The following ESCO2 variants were observed in gnomAD, a reference collection of about 807,000 sequenced individuals.
ESCO2 encodes establishment of sister chromatid cohesion N-acetyltransferase 2, also known as N-acetyltransferase ESCO2.
Under a neutral mutation model 61.7 loss-of-function variants are expected in ESCO2, and 51 were observed. That is an observed-to-expected ratio of 0.83 (90% CI 0.66 to 1.04). The LOEUF is 1.04. ESCO2 is among the 50% of genes least tolerant of loss of function. The probability of loss-of-function intolerance (pLI) is 0.00; values close to 1 mark genes in which losing one functional copy is unlikely to be tolerated. For synonymous variants in ESCO2, 230 were observed against 238.2 expected (o/e 0.97, Z 0.32); for missense variants, 692 against 686.2 (o/e 1.01, Z -0.09).
chr8:27,813,520 T>C (rs1272284640), downstream of ESCO2, among the ~76,000 whole-genome samples: 1 of 152,144 alleles, frequency 6.6e-6, no homozygotes, highest in Non-Finnish European at 1.5e-5. Flanking sequence ...ATTAACAAAT[T>C]ATATATGTTT....
rs761877763 is a variant in ESCO2, at chr8:27,775,498, G to A, written c.-16-1G>A. On this transcript the variant is annotated splice_acceptor_variant, in intron 1 of 10. Coordinates refer to ENST00000305188, the MANE Select transcript of ESCO2 (RefSeq NM_001017420.3). LOFTEE classifies it low-confidence loss of function (5UTR_SPLICE). ...AATGTGGTTATTGTCATTTCTTTTA[G>A]GAATTCAATAAAGAAAATGGCAGCT... 7.4e-6 allele frequency: 12 copies of A among 1,611,790 alleles called. No individual in the cohort carries two copies. In the South Asian group the frequency reaches 1.1e-4, roughly 15 times the overall value.
At chr8:27,775,661 T>G (rs1804773569) in intron 2 of ESCO2, 94 bp downstream of exon 2, 2 of 1,131,442 alleles carry the variant, frequency 1.8e-6, no homozygotes, top group South Asian at 2.5e-5. Flanking sequence ...GTTCTTCCAC[T>G]AGCCTACTCC....
rs2128951265 is a variant in ESCO2, at chr8:27,777,007, C to T, written c.699C>T (p.Thr233=). 6.2e-7 allele frequency: 1 copy of T among 1,612,210 alleles called. No homozygotes were observed. Among genetic ancestry groups the T allele is most frequent in the Admixed American group, 1.7e-5 (1 of 59,588 alleles). ...AAAATGAGCCGTCACTGGGACGCAC[C>T]CAAAAGAGTAAATCAGAAGTCATTG... is the stretch of plus-strand genomic sequence containing the variant. The part of the protein sequence containing the change: ...SLENEPSLGR[T]QKSKSEVIED... The change falls in exon 3 of 11, where the codon ACC becomes ACT. Residue 233 remains threonine (T), a synonymous_variant. Coordinates refer to ENST00000305188, the MANE Select transcript of ESCO2 (RefSeq NM_001017420.3).
chr8:27,796,304 TTTAG>T (rs1805295245), intron 9 of ESCO2, among the ~76,000 whole-genome samples: 1 of 152,070 alleles, frequency 6.6e-6, no homozygotes, highest in African/African-American at 2.4e-5. Context: ...TGTGATTTTG[TTTAG>T]TTGAGTCTTC....
At chr8:27,796,692 C>T (rs1018715584) in intron 9 of ESCO2, among the ~76,000 whole-genome samples, 2 of 152,182 alleles carry the variant, frequency 1.3e-5, no homozygotes, top group Non-Finnish European at 1.5e-5. Context: ...TACTTTTCCT[C>T]CCGTCATTGA....
chr8:27,799,456 T>C, intron 9 of ESCO2, 85 bp from the exon 10 acceptor site: 1 of 1,358,922 alleles, frequency 7.4e-7, no homozygotes, highest in Non-Finnish European at 1.1e-6. Context: ...GTTAAATTTT[T>C]GATACTTATT....
intron 10 of ESCO2, among the ~76,000 whole-genome samples, chr8:27,801,413 A>G (rs1186482910): frequency 1.3e-5 from 2 of 152,184 alleles, no homozygotes; most frequent in African/African-American, 2.4e-5. Flanking sequence ...CATTATGGGG[A>G]CCGGATCTTG....
At chr8:27,787,700 G>T (rs1040111386) in intron 5 of ESCO2, among the ~76,000 whole-genome samples, 185 bp from the exon 6 acceptor site, 2 of 152,140 alleles carry the variant, frequency 1.3e-5, no homozygotes, top group Admixed American at 6.5e-5. Context: ...TTTACCTTGA[G>T]TAAATTACTG....
chr8:27,772,387 C>T (rs1208124760), upstream of ESCO2: 3 of 902,162 alleles, frequency 3.3e-6, no homozygotes, highest in East Asian at 2.7e-5. Flanking sequence ...ACCGAGAGGC[C>T]GCGGGAAGAG....
At chr8:27,784,125 A>T in intron 5 of ESCO2, 68 bp downstream of exon 5, 2 of 1,469,902 alleles carry the variant, frequency 1.4e-6, no homozygotes, top group Non-Finnish European at 1.9e-6. Context: ...TCTCTTTTTC[A>T]GTCTCATGCT....
At chr8:27,808,562 C>T (rs980061423), downstream of ESCO2, among the ~76,000 whole-genome samples, 1 of 151,426 alleles carries the variant, frequency 6.6e-6, no homozygotes, top group African/African-American at 2.4e-5. Context: ...CACCTGTGGT[C>T]CCAGCTACTC....
downstream of ESCO2, among the ~76,000 whole-genome samples, chr8:27,815,239 T>G (rs773841405): frequency 2.0e-5 from 3 of 152,074 alleles, no homozygotes; most frequent in Non-Finnish European, 4.4e-5. Flanking sequence ...GCCAGGAAAT[T>G]GAAGATTCCA....
Position 27,799,589 on chromosome 8 carries a change from A to G in ESCO2, c.1546A>G (p.Thr516Ala). The stretch of plus-strand genomic sequence containing the variant: ...AATTGGTCCAGAATCCCCAAGCTCT[A>G]CGGAATGTCCTAGGGCTTGGCAATG... ...EPIGPESPSS[T>A]ECPRAWQCSD... Residue 516 changes from threonine (T) to alanine (A), a missense_variant, in exon 10 of 11, where the codon ACG (threonine) becomes GCG (alanine). Physicochemically the swap from Thr to Ala is moderately conservative, Grantham distance 58. Transcript: ENST00000305188. 3 of 1,613,982 alleles carry G rather than the reference A, an allele frequency of 1.9e-6. No homozygotes were observed. Among genetic ancestry groups the G allele is most frequent in the South Asian group, 2.2e-5 (2 of 91,052 alleles).
rs535015767 is a variant in ESCO2, at chr8:27,775,001, G to T, written c.-17+394G>T. 2.6e-5 allele frequency among the ~76,000 whole-genome samples: 4 copies of T among 152,326 alleles called. No individual in the cohort carries two copies. In the East Asian group the frequency reaches 7.7e-4, roughly 29 times the overall value. ...CATTAATAGCTTTGAAATAACGCTT[G>T]TGTGCTGCTTTGGGGGGAATTTCCC... On this transcript the variant is annotated intron_variant, in intron 1 of 10. Coordinates refer to ENST00000305188, the MANE Select transcript of ESCO2 (RefSeq NM_001017420.3).
intron 8 of ESCO2, 47 bp from the exon 9 acceptor site, chr8:27,792,621 T>G: frequency 1.3e-6 from 2 of 1,573,194 alleles, no homozygotes; most frequent in South Asian, 2.3e-5. Context: ...ATAGTTTCTA[T>G]TGTACTTTTT....
intron 4 of ESCO2, 50 bp downstream of exon 4, chr8:27,780,317 C>T: frequency 8.9e-7 from 1 of 1,119,278 alleles, no homozygotes; most frequent in Non-Finnish European, 1.4e-6. Context: ...TGCTTTATTA[C>T]ATACATTATA....
At chr8:27,806,892 A>G (rs765964622), downstream of ESCO2, among the ~76,000 whole-genome samples, 4 of 152,210 alleles carry the variant, frequency 2.6e-5, no homozygotes, top group Non-Finnish European at 5.9e-5. Flanking sequence ...CTGGGATTAT[A>G]GGCATGAGCC....
intron 10 of ESCO2, among the ~76,000 whole-genome samples, chr8:27,801,969 A>ATTTTTTTT (rs34539100): frequency 4.2e-4 from 35 of 83,794 alleles, no homozygotes; most frequent in Admixed American, 8.6e-4. Flanking sequence ...CCTTCATGGC[A>ATTTTTTTT]TTTTTTTTTT....
intron 9 of ESCO2, among the ~76,000 whole-genome samples, chr8:27,797,130 T>TCAA (rs113157834): frequency 0.15 from 23,372 of 152,012 alleles, 2,236 homozygotes; most frequent in East Asian, 0.36. Flanking sequence ...AAAAAAAAGT[T>TCAA]CATTTCCTTA....
Sources: gnomAD v4.1 joint callset for allele counts (sites outside exome capture counted in the v4.1 genomes callset) on GRCh38, gnomAD v4.1.1 for gene constraint, MANE v1.5 for transcripts, NCBI Gene and HGNC (gene_info 2026-07-23, HGNC 2026-07-21) for gene names.